The following KRT76 variants were observed in gnomAD, a reference collection of about 807,000 sequenced individuals.
The protein encoded by KRT76 is keratin 76.
Under a neutral mutation model 44.9 loss-of-function variants are expected in KRT76, and 47 were observed. The ratio of observed to expected loss-of-function variants is 1.05; its 90% CI spans 0.83 to 1.33. KRT76 has a LOEUF of 1.33. KRT76 is among the 40% of genes most tolerant of loss of function. The pLI is 0.00. For synonymous variants in KRT76, 331 were observed against 294.1 expected, an observed-to-expected ratio of 1.13 and a Z score of -1.28; for missense variants, 860 against 775.8, an observed-to-expected ratio of 1.11 and a Z score of -1.29.
chr12:52,771,072 G>C lies in KRT76; in HGVS notation c.1411C>G (p.Leu471Val). 3 of 1,614,080 alleles carry C rather than the reference G, an allele frequency of 1.9e-6. No homozygotes were observed. The highest frequency in any genetic ancestry group is 2.5e-6 in the Non-Finnish European group (3 of 1,180,010). ...TCCAGGGCCAGCTTGACGTTCATCA[G>C]CTCCTGGTAGTCACGCAGGAGCCGA... is the stretch of plus-strand genomic sequence containing the variant. ...LARLLRDYQE[L>V]MNVKLALDVE... Residue 471 changes from leucine to valine, a missense_variant, in exon 7 of 9, where the codon CTG (leucine) becomes GTG (valine). Transcript: ENST00000332411.
At position 52,771,142 on chromosome 12, in the gene KRT76, G is replaced by C. The variant is rs201132503; in HGVS notation, c.1341C>G (p.Leu447=). Residue 447 remains leucine, a synonymous_variant, in exon 7 of 9, where the codon CTC becomes CTG. Coordinates refer to ENST00000332411, the MANE Select transcript of KRT76 (RefSeq NM_015848.4). The part of the protein sequence containing the change: ...EMALKDANAK[L]QDLQTALQKA... ...TCTGTAGGGCAGTCTGCAAGTCTTG[G>C]AGCTTGGCATTGGCGTCCTTGAGGG... The C allele has an allele frequency of 2.2e-5, 35 of 1,614,044 alleles. No individual in the cohort carries two copies. The highest frequency in any genetic ancestry group is 3.3e-4 in the Middle Eastern group (2 of 6,084).
At chr12:52,775,950 G>T (rs1939254971) in intron 1 of KRT76, among the ~76,000 whole-genome samples, 1 of 151,264 alleles carries the variant, frequency 6.6e-6, no homozygotes, top group African/African-American at 2.5e-5. Context: ...TCAAACCCAG[G>T]ACTGTCCTGG....
chr12:52,774,728 G>A (rs1592294874), intron 2 of KRT76, among the ~76,000 whole-genome samples: 1 of 152,230 alleles, frequency 6.6e-6, no homozygotes, highest in African/African-American at 2.4e-5. Flanking sequence ...CGTTTGTGTG[G>A]TTGAATTGGA....
intron 2 of KRT76, 78 bp from the exon 3 acceptor site, chr12:52,773,720 C>T: frequency 1.6e-6 from 2 of 1,236,526 alleles, no homozygotes; most frequent in Non-Finnish European, 2.4e-6. Context: ...CAGGCACTCT[C>T]CTCACCTGCG....
chr12:52,771,937 A>G lies in KRT76; in HGVS notation c.1197T>C (p.Ser399=). 3 of 1,613,768 alleles carry G rather than the reference A, an allele frequency of 1.9e-6. No homozygotes were observed. The highest frequency in any genetic ancestry group is 2.2e-5 in the East Asian group (1 of 44,862). Reference sequence around the variant, plus strand: ...TCATCCTGTTGAGCTCCATGATCTCACTCTTGGTGTTCCTCAGGTCATCCC... The same window carrying G: ...TCATCCTGTTGAGCTCCATGATCTCGCTCTTGGTGTTCCTCAGGTCATCCC... ...RHGDDLRNTK[S]EIMELNRMIQ... The change falls in exon 6 of 9, where the codon AGT becomes AGC. Residue 399 remains serine, a synonymous_variant. Transcript: ENST00000332411.
At position 52,768,997 on chromosome 12, in the gene KRT76, T is replaced by G; in HGVS notation, c.1633A>C (p.Ser545Arg). 1 of 926,224 alleles carries G rather than the reference T, an allele frequency of 1.1e-6. No homozygotes were observed. The highest frequency in any genetic ancestry group is 1.7e-6 in the Non-Finnish European group (1 of 574,410). 57.4% of individuals were successfully genotyped at this position (926,224 alleles called of 1,614,324 possible). Residue 545 changes from serine (S) to arginine (R), a missense_variant, in exon 9 of 9, where the codon AGC becomes CGC. Coordinates refer to ENST00000332411, the MANE Select transcript of KRT76 (RefSeq NM_015848.4). ...GGYKGGSSSSSSSGYGVSGGS... is the reference protein window; with the variant it reads ...GGYKGGSSSSRSSGYGVSGGS... ...CCACTGACTCCATAGCCACTGCTGCTGCTGCTGCTGCTGCCGCCTTTGTAG... is the reference window on the plus strand; with the variant it reads ...CCACTGACTCCATAGCCACTGCTGCGGCTGCTGCTGCTGCCGCCTTTGTAG...
At position 52,771,905 on chromosome 12, in the gene KRT76, C is replaced by T; in HGVS notation, c.1229G>A (p.Arg410Lys). 2 of 1,614,132 alleles carry T rather than the reference C, an allele frequency of 1.2e-6. No homozygotes were observed. The highest frequency in any genetic ancestry group is 1.1e-5 in the South Asian group (1 of 91,064). The change falls in exon 6 of 9, where the codon AGG becomes AAG. Residue 410 changes from arginine to lysine, a missense_variant. Arg to Lys is a conservative substitution (Grantham distance 26). Transcript: ENST00000332411. Reference protein sequence around the residue: ...EIMELNRMIQRLRAEIENVKK... With the variant: ...EIMELNRMIQKLRAEIENVKK... Reference sequence around the variant, plus strand: ...GACATTTTCAATCTCAGCCCGTAGCCTCTGGATCATCCTGTTGAGCTCCAT... The same window carrying T: ...GACATTTTCAATCTCAGCCCGTAGCTTCTGGATCATCCTGTTGAGCTCCAT...
chr12:52,768,935 GC>G lies in KRT76; in HGVS notation c.1694del (p.Gly565AlafsTer29), dbSNP rs769916663. 2 of 1,530,890 alleles carry G rather than the reference GC, an allele frequency of 1.3e-6. No individual in the cohort carries two copies. The highest frequency in any genetic ancestry group is 1.1e-5 in the South Asian group (1 of 88,098). The allele number at this position is 1,530,890 out of a possible 1,614,324, so 94.8% of individuals were successfully genotyped here. ...CGCTGCTACCCCTGCCCCCAGTGCT[GC>G]CACTGCTGACCCCTCCATAGCCACT... ...SGSGYGGVSS[G>X]STGGRGSSGS... On this transcript the variant is annotated frameshift_variant, in exon 9 of 9. Coordinates refer to ENST00000332411, the MANE Select transcript of KRT76 (RefSeq NM_015848.4). LOFTEE classifies it low-confidence loss of function (END_TRUNC).
intron 6 of KRT76, 113 bp downstream of exon 6, chr12:52,771,758 C>A: frequency 7.5e-7 from 1 of 1,334,706 alleles, no homozygotes; most frequent in South Asian, 1.5e-5. Context: ...CGCTATCCCA[C>A]ATGTGACACC....
intron 8 of KRT76, 73 bp downstream of exon 8, chr12:52,769,476 G>A: frequency 1.5e-6 from 2 of 1,309,272 alleles, no homozygotes; most frequent in Non-Finnish European, 2.2e-6. Flanking sequence ...CTTGCCTGAA[G>A]GTCAGTCAGT....
chr12:52,775,781 A>T (rs1447503540), intron 1 of KRT76, among the ~76,000 whole-genome samples, 179 bp from the exon 2 acceptor site: 1 of 152,202 alleles, frequency 6.6e-6, no homozygotes, highest in African/African-American at 2.4e-5. Flanking sequence ...TTGAGTGATT[A>T]TGCCTTACCT....
Position 52,772,630 on chromosome 12 carries a change from A to G in KRT76, c.972+153T>C, listed in dbSNP as rs557414832. ...TGTGGGCCAGGTCTATGCAGACTGA[A>G]GAAGCTCAGTTAACATTTCCCAGGT... On this transcript the variant is annotated intron_variant, in intron 4 of 8. Coordinates refer to ENST00000332411, the MANE Select transcript of KRT76 (RefSeq NM_015848.4). 2.0e-5 allele frequency among the ~76,000 whole-genome samples: 3 copies of G among 152,318 alleles called. No individual in the cohort carries two copies. The South Asian group carries it at 6.2e-4, about 32-fold the overall frequency.
At chr12:52,769,769 G>C (rs951225943) in intron 7 of KRT76, among the ~76,000 whole-genome samples, 186 bp from the exon 8 acceptor site, 1 of 152,196 alleles carries the variant, frequency 6.6e-6, no homozygotes, top group South Asian at 2.1e-4. Context: ...GCTGCTTCAA[G>C]AGTTGAGAAT....
Position 52,768,877 on chromosome 12 carries a change from G to C in KRT76, c.1753C>G (p.Leu585Val). 1 of 1,613,632 alleles carries C rather than the reference G, an allele frequency of 6.2e-7. No individual in the cohort carries two copies. The highest frequency in any genetic ancestry group is 8.5e-7 in the Non-Finnish European group (1 of 1,179,780). ...ACGGAGATGCTACCTGCACCGCCGA[G>C]CCTGCTCCCACTACTGCTGCTCTGG... ...SYQSSSSGSR[L>V]GGAGSISVSH... The change falls in exon 9 of 9, where the codon CTC becomes GTC. Residue 585 changes from leucine to valine, a missense_variant. Leu to Val is a conservative substitution (Grantham distance 32). Coordinates refer to ENST00000332411, the MANE Select transcript of KRT76 (RefSeq NM_015848.4).
Position 52,775,430 on chromosome 12 carries a change from T to C in KRT76, c.773A>G (p.Glu258Gly). 6.2e-7 allele frequency: 1 copy of C among 1,614,152 alleles called. No individual in the cohort carries two copies. The highest frequency in any genetic ancestry group is 1.3e-5 in the African/African-American group (1 of 75,044). ...CACCAGGTCCTGCATGCTTTTCAGC[T>C]CTCCCTCCAGGTTCCCCCTCTCCCC... ...LLGERGNLEG[E>G]LKSMQDLVED... is the part of the protein sequence containing the mutation. The change falls in exon 2 of 9, where the codon GAG (glutamate) becomes GGG (glycine). Residue 258 changes from glutamate to glycine, a missense_variant. Coordinates refer to ENST00000332411, the MANE Select transcript of KRT76 (RefSeq NM_015848.4).
rs767111286 is a variant in KRT76, at chr12:52,775,414, C to T, written c.789G>A (p.Gln263=). ...TCTTTTTGAAGTCTTCCACCAGGTC[C>T]TGCATGCTTTTCAGCTCTCCCTCCA... is the stretch of plus-strand genomic sequence containing the variant. ...GNLEGELKSM[Q]DLVEDFKKKY... Residue 263 remains glutamine (Q), a synonymous_variant, in exon 2 of 9, where the codon CAG becomes CAA. Coordinates refer to ENST00000332411, the MANE Select transcript of KRT76 (RefSeq NM_015848.4). 9.3e-6 allele frequency: 15 copies of T among 1,614,210 alleles called. No individual in the cohort carries two copies. The highest frequency in any genetic ancestry group is 1.3e-5 in the Non-Finnish European group (15 of 1,180,024).
In KRT76 at chr12:52,768,804, C is replaced by T. The variant is rs1421717309; in HGVS notation, c.1826G>A (p.Gly609Glu). The change falls in exon 9 of 9, where the codon GGA (glycine) becomes GAA (glutamate). Residue 609 changes from glycine to glutamate, a missense_variant. Transcript: ENST00000332411. ...GSSSGSIQTS[G>E]GSGYKSGGGG... ...ACCACCAGACTTGTAGCCACTTCCTCCAGAAGTCTGGATGCTGCCAGAGCT... is the reference window on the plus strand; with the variant it reads ...ACCACCAGACTTGTAGCCACTTCCTTCAGAAGTCTGGATGCTGCCAGAGCT... The T allele has an allele frequency of 6.2e-7, 1 of 1,613,816 alleles. No homozygotes were observed.
chr12:52,772,712 G>T, intron 4 of KRT76, 71 bp downstream of exon 4: 3 of 1,084,574 alleles, frequency 2.8e-6, no homozygotes, highest in Non-Finnish European at 4.3e-6. Context: ...GTGCTGTTTG[G>T]CTGTCCCCTA....
rs753530688 is a variant in KRT76, at chr12:52,775,602, C to A, written c.601G>T (p.Val201Leu). The change falls in exon 2 of 9, where the codon GTG becomes TTG. Residue 201 changes from valine to leucine, a missense_variant and splice_region_variant. Transcript: ENST00000332411. ...NNKFASFIDKVRFLEQQNKVL... is the reference protein window; with the variant it reads ...NNKFASFIDKLRFLEQQNKVL... ...TTGTTCTGCTGTTCCAGGAACCGCA[C>A]CTGCATGAAAGAGGGGAGAAAAGGA... The A allele has an allele frequency of 1.9e-6, 3 of 1,612,604 alleles. No homozygotes were observed. Among genetic ancestry groups the A allele is most frequent in the Admixed American group, 1.7e-5 (1 of 59,962 alleles).
Sources: gnomAD v4.1 joint callset for allele counts (sites outside exome capture counted in the v4.1 genomes callset) on GRCh38, gnomAD v4.1.1 for gene constraint, MANE v1.5 for transcripts, NCBI Gene and HGNC (gene_info 2026-07-23, HGNC 2026-07-21) for gene names.